The following CACNG7 variants were observed in gnomAD, a reference collection of about 807,000 sequenced individuals.
CACNG7 encodes calcium voltage-gated channel auxiliary subunit gamma 7, also known as voltage-dependent calcium channel gamma-7 subunit.
In CACNG7, 9 loss-of-function variants were observed where a neutral mutation model predicts 26.3. That is an observed-to-expected ratio of 0.34 (90% CI 0.21 to 0.60). CACNG7 has a LOEUF of 0.60. CACNG7 is among the 20% of genes least tolerant of loss of function. The probability of loss-of-function intolerance (pLI) is 0.81; values close to 1 mark genes in which losing one functional copy is unlikely to be tolerated. For synonymous variants in CACNG7, 170 were observed against 157.0 expected, an observed-to-expected ratio of 1.08 and a Z score of -0.62; for missense variants, 297 against 380.4, an observed-to-expected ratio of 0.78 and a Z score of 1.82.
At chr19:53,929,068 C>A (rs1239571788) in intron 4 of CACNG7, among the ~76,000 whole-genome samples, 1 of 135,500 alleles carries the variant, frequency 7.4e-6, no homozygotes, top group Admixed American at 8.1e-5. Flanking sequence ...GAGATGGCGC[C>A]ATTACACCAC....
chr19:53,917,612 CCAGA>C (rs2068906943), intron 4 of CACNG7, among the ~76,000 whole-genome samples: 1 of 152,082 alleles, frequency 6.6e-6, no homozygotes, highest in African/African-American at 2.4e-5. Context: ...CGGGTGGAGC[CCAGA>C]CACTGAGCTA....
chr19:53,910,472 G>T (rs1214796086), intron 1 of CACNG7, among the ~76,000 whole-genome samples: 1 of 152,180 alleles, frequency 6.6e-6, no homozygotes, highest in African/African-American at 2.4e-5. Flanking sequence ...GAGTTGCAAG[G>T]TTAGAAGAAT....
intron 4 of CACNG7, among the ~76,000 whole-genome samples, chr19:53,920,920 T>TCTGGTCATTGGTGGACTTACCCCAGG (rs2068942320): frequency 9.8e-6 from 1 of 102,174 alleles, no homozygotes; most frequent in South Asian, 3.4e-4. Flanking sequence ...TGTCCCCAGG[T>TCTGGTCATTGGTGGACTTACCCCAGG]CTGGTCATTG....
intron 1 of CACNG7, among the ~76,000 whole-genome samples, chr19:53,911,014 T>C (rs1241885635): frequency 6.6e-6 from 1 of 150,506 alleles, no homozygotes; most frequent in Non-Finnish European, 1.5e-5. Flanking sequence ...GTTGTTTGAC[T>C]GGGGTGCTCT....
intron 4 of CACNG7, among the ~76,000 whole-genome samples, chr19:53,926,610 A>G (rs1432312395): frequency 6.6e-6 from 1 of 152,076 alleles, no homozygotes; most frequent in Non-Finnish European, 1.5e-5. Context: ...TCAGAATGTA[A>G]TCTTCAAAAG....
intron 4 of CACNG7, among the ~76,000 whole-genome samples, chr19:53,927,652 A>C (rs1235555139): frequency 6.6e-6 from 1 of 152,110 alleles, no homozygotes; most frequent in Non-Finnish European, 1.5e-5. Flanking sequence ...AGACTAGCCA[A>C]CATGGTGAAA....
intron 4 of CACNG7, among the ~76,000 whole-genome samples, chr19:53,919,778 T>A (rs1476434939): frequency 7.6e-6 from 1 of 131,034 alleles, no homozygotes; most frequent in Non-Finnish European, 1.6e-5. Context: ...CCCAGGCTGG[T>A]CATTGGTGGA....
At chr19:53,921,980 G>C (rs74222248) in intron 4 of CACNG7, among the ~76,000 whole-genome samples, 2 of 87,810 alleles carry the variant, frequency 2.3e-5, no homozygotes, top group African/African-American at 6.2e-5. Flanking sequence ...CATTGGTGGA[G>C]TTGCCCCAGG....
intron 4 of CACNG7, among the ~76,000 whole-genome samples, chr19:53,936,210 C>G (rs1044461224): frequency 6.6e-6 from 1 of 152,038 alleles, no homozygotes; most frequent in Non-Finnish European, 1.5e-5. Flanking sequence ...GTTACGCATT[C>G]TCAGCAGGAA....
At chr19:53,927,215 G>A (rs11878492) in intron 4 of CACNG7, among the ~76,000 whole-genome samples, 12 of 151,818 alleles carry the variant, frequency 7.9e-5, no homozygotes, top group Non-Finnish European at 1.6e-4. Flanking sequence ...CCACTGCGGC[G>A]CAGCTGGGCT....
At chr19:53,922,181 G>GC (rs1555810699) in intron 4 of CACNG7, among the ~76,000 whole-genome samples, 1 of 112,228 alleles carries the variant, frequency 8.9e-6, no homozygotes, top group Admixed American at 9.5e-5. Flanking sequence ...GTTGTCCCAG[G>GC]CTGGTCATTG....
At chr19:53,923,471 C>G (rs71365412) in intron 4 of CACNG7, among the ~76,000 whole-genome samples, 2 of 138,496 alleles carry the variant, frequency 1.4e-5, no homozygotes. Flanking sequence ...TGGAGTTGTC[C>G]CAGGTCTGGT....
intron 4 of CACNG7, among the ~76,000 whole-genome samples, chr19:53,920,056 TG>T (rs1322630564): frequency 7.8e-6 from 1 of 127,678 alleles, no homozygotes; most frequent in Non-Finnish European, 1.6e-5. Flanking sequence ...TTGGTGGACT[TG>T]CCCCAGGCTG....
intron 4 of CACNG7, among the ~76,000 whole-genome samples, chr19:53,921,452 G>A (rs1412799739): frequency 6.6e-6 from 1 of 151,544 alleles, no homozygotes; most frequent in Non-Finnish European, 1.5e-5. Flanking sequence ...GTTGCCCCAG[G>A]TCTGGTATTG....
intron 4 of CACNG7, among the ~76,000 whole-genome samples, chr19:53,932,252 T>TAAA (rs765449244): frequency 1.9e-5 from 1 of 53,212 alleles, no homozygotes; most frequent in Admixed American, 2.3e-4. Flanking sequence ...AGGCCCTGTC[T>TAAA]AAAAAAAAAA....
At position 53,915,514 on chromosome 19, in the gene CACNG7, A is replaced by G. The variant is rs771864611; in HGVS notation, c.424+9A>G. The G allele has an allele frequency of 1.4e-5, 22 of 1,613,810 alleles. No individual in the cohort carries two copies. In the South Asian group the frequency reaches 2.1e-4, roughly 15 times the overall value. ...CTTCTTCATACTATCGGGTGAGCCT[A>G]AGGACTTGGGGGTTGGGGGGGACCA... is the stretch of plus-strand genomic sequence containing the variant. On this transcript the variant is annotated intron_variant, in intron 4 of 5. Transcript: ENST00000391767.
In CACNG7 at chr19:53,915,456, G is replaced by A. The variant is rs766519700; in HGVS notation, c.375G>A (p.Pro125=). The A allele has an allele frequency of 5.0e-6, 8 of 1,614,004 alleles. No homozygotes were observed. Among genetic ancestry groups the A allele is most frequent in the Admixed American group, 3.3e-5 (2 of 59,992 alleles). ...TCAGCAACATCGGCCACATCCGCCCGCAGAGGACCATTCTGGCTTTTGTCT... is the reference window on the plus strand; with the variant it reads ...TCAGCAACATCGGCCACATCCGCCCACAGAGGACCATTCTGGCTTTTGTCT... ...FVISNIGHIR[P]QRTILAFVSG... Residue 125 remains proline, a synonymous_variant, in exon 4 of 6, where the codon CCG becomes CCA. Coordinates refer to ENST00000391767, the MANE Select transcript of CACNG7 (RefSeq NM_031896.5).
intron 4 of CACNG7, among the ~76,000 whole-genome samples, chr19:53,920,107 T>G (rs1375702002): frequency 1.9e-5 from 2 of 105,290 alleles, no homozygotes; most frequent in Non-Finnish European, 3.6e-5. Flanking sequence ...ATTGGTGGAG[T>G]TGCCCCAGGC....
At chr19:53,911,108 C>G (rs1443809629) in intron 1 of CACNG7, among the ~76,000 whole-genome samples, 1 of 151,428 alleles carries the variant, frequency 6.6e-6, no homozygotes, top group East Asian at 1.9e-4. Flanking sequence ...ACTCTGTCAC[C>G]CAGGCTGAAG....
Sources: allele counts gnomAD v4.1 joint callset (sites outside exome capture counted in the v4.1 genomes callset), GRCh38; gene constraint gnomAD v4.1.1; transcripts MANE v1.5; gene names NCBI Gene and HGNC (gene_info 2026-07-23, HGNC 2026-07-21).